Variants in ROBO1 observed in about 807,000 individuals in gnomAD.
The protein encoded by ROBO1 is roundabout homolog 1.
ROBO1 carries 149 observed loss-of-function variants against 195.9 expected under a neutral mutation model. The observed-to-expected ratio is 0.76, with a 90% CI of 0.67 to 0.87. The LOEUF (loss-of-function observed/expected upper bound fraction) is 0.87, where lower values mean the gene tolerates loss of function less well. Ranked by LOEUF, ROBO1 falls within the 40% of genes least tolerant of loss-of-function variation. ROBO1 has a pLI of 0.00. For synonymous variants in ROBO1, 816 were observed against 733.2 expected (o/e 1.11, Z -1.82); for missense variants, 1,933 against 2,068.3 (o/e 0.93, Z 1.27).
chr3:78,757,581 A>C (rs1294628812), intron 4 of ROBO1, among the ~76,000 whole-genome samples: 2 of 152,180 alleles, frequency 1.3e-5, no homozygotes, highest in African/African-American at 4.8e-5. Context: ...TCAAGGGGGA[A>C]GAATCCTCAC....
At chr3:78,778,344 CT>C (rs201247159) in intron 4 of ROBO1, among the ~76,000 whole-genome samples, 7,116 of 152,130 alleles carry the variant, frequency 0.047, 547 homozygotes, top group African/African-American at 0.16. Context: ...TGATGCTAGC[CT>C]CATAAAATGA....
At chr3:79,063,770 G>C (rs1194182410) in intron 3 of ROBO1, among the ~76,000 whole-genome samples, 1 of 151,862 alleles carries the variant, frequency 6.6e-6, no homozygotes, top group African/African-American at 2.4e-5. Context: ...CCTGAAGTCA[G>C]CTTTGATGGG....
chr3:79,654,482 G>T (rs568724128), intron 1 of ROBO1, among the ~76,000 whole-genome samples: 10 of 151,872 alleles, frequency 6.6e-5, no homozygotes, highest in South Asian at 2.1e-4. Context: ...AAAATGAAAT[G>T]ATTATTTCTA....
chr3:78,673,680 C>T (rs1475548931), intron 10 of ROBO1, among the ~76,000 whole-genome samples: 1 of 143,152 alleles, frequency 7.0e-6, no homozygotes, highest in African/African-American at 2.6e-5. Flanking sequence ...CTTCAAAACC[C>T]GTCCAAAATA....
intron 2 of ROBO1, among the ~76,000 whole-genome samples, chr3:79,300,938 G>A (rs2032912170): frequency 6.6e-6 from 1 of 151,992 alleles, no homozygotes; most frequent in South Asian, 2.1e-4. Context: ...GATTGTAAAC[G>A]CACCAATCAG....
intron 3 of ROBO1, among the ~76,000 whole-genome samples, chr3:78,998,108 C>G (rs890772457): frequency 6.6e-6 from 1 of 152,114 alleles, no homozygotes. Flanking sequence ...CTACTCCATA[C>G]CCCATGGTTT....
chr3:79,096,230 G>A (rs920472091), intron 3 of ROBO1, among the ~76,000 whole-genome samples: 7 of 151,840 alleles, frequency 4.6e-5, no homozygotes, highest in Admixed American at 1.3e-4. Flanking sequence ...TTAAGATGCC[G>A]TCATTTCCCT....
At chr3:78,926,811 C>G (rs1158013902) in intron 4 of ROBO1, among the ~76,000 whole-genome samples, 3 of 152,066 alleles carry the variant, frequency 2.0e-5, no homozygotes, top group African/African-American at 4.8e-5. Context: ...CCAAGAAAGA[C>G]TCAGCCAGAT....
At chr3:79,044,120 A>G (rs2108342673) in intron 3 of ROBO1, among the ~76,000 whole-genome samples, 1 of 97,898 alleles carries the variant, frequency 1.0e-5, no homozygotes, top group East Asian at 3.1e-4. Flanking sequence ...ATGATAGTTG[A>G]TGAGCTAAAA....
At chr3:79,573,998 C>T (rs1943364566) in intron 2 of ROBO1, among the ~76,000 whole-genome samples, 1 of 152,126 alleles carries the variant, frequency 6.6e-6, no homozygotes, top group African/African-American at 2.4e-5. Context: ...TCCAGGGAAA[C>T]TCTAGACAGA....
At chr3:79,368,254 C>A (rs578011181) in intron 2 of ROBO1, among the ~76,000 whole-genome samples, 1 of 152,282 alleles carries the variant, frequency 6.6e-6, no homozygotes, top group South Asian at 2.1e-4. Flanking sequence ...TCTTTTGCCA[C>A]AACCAGATAG....
chr3:79,164,790 TG>T (rs1175597246), intron 2 of ROBO1, among the ~76,000 whole-genome samples: 2 of 152,152 alleles, frequency 1.3e-5, no homozygotes, highest in Non-Finnish European at 2.9e-5. Context: ...TTGCTCTATC[TG>T]TTGTGGCCTA....
intron 2 of ROBO1, among the ~76,000 whole-genome samples, chr3:79,373,233 G>A (rs879658445): frequency 7.1e-4 from 108 of 152,022 alleles, no homozygotes; most frequent in Non-Finnish European, 9.9e-4. Flanking sequence ...CTACTTAAAT[G>A]TATTTCATGC....
At chr3:79,766,790 G>A (rs1047695873) in intron 1 of ROBO1, among the ~76,000 whole-genome samples, 1 of 152,116 alleles carries the variant, frequency 6.6e-6, no homozygotes, top group African/African-American at 2.4e-5. Flanking sequence ...GCAAGAAGGG[G>A]CCCCAGAAGG....
intron 2 of ROBO1, among the ~76,000 whole-genome samples, chr3:79,201,711 T>A (rs2081767590): frequency 6.6e-6 from 1 of 151,818 alleles, no homozygotes; most frequent in African/African-American, 2.4e-5. Flanking sequence ...CTTCCTCAAC[T>A]GAAAAATCAA....
chr3:79,268,006 A>C (rs1032673349), intron 2 of ROBO1, among the ~76,000 whole-genome samples: 1 of 151,676 alleles, frequency 6.6e-6, no homozygotes, highest in Non-Finnish European at 1.5e-5. Flanking sequence ...AATTAGGAGA[A>C]TGATGTATTT....
At chr3:79,675,191 T>A (rs563924396) in intron 1 of ROBO1, among the ~76,000 whole-genome samples, 2 of 151,982 alleles carry the variant, frequency 1.3e-5, no homozygotes, top group East Asian at 3.9e-4. Flanking sequence ...TATGAGCCTA[T>A]ACATCCCACA....
At chr3:79,102,740 A>T (rs1240251327) in intron 3 of ROBO1, among the ~76,000 whole-genome samples, 4 of 151,826 alleles carry the variant, frequency 2.6e-5, no homozygotes, top group African/African-American at 9.7e-5. Context: ...AAAGTCACTA[A>T]AGCAGATGTG....
intron 4 of ROBO1, among the ~76,000 whole-genome samples, chr3:78,845,400 T>G (rs528523946): frequency 6.6e-6 from 1 of 152,200 alleles, no homozygotes; most frequent in African/African-American, 2.4e-5. Context: ...CTTTTCCTTT[T>G]ATTGTTGCTA....
Sources: gnomAD v4.1 joint callset for allele counts (sites outside exome capture counted in the v4.1 genomes callset) on GRCh38, gnomAD v4.1.1 for gene constraint, MANE v1.5 for transcripts, NCBI Gene and HGNC (gene_info 2026-07-23, HGNC 2026-07-21) for gene names.